FNBP4: variants seen among roughly 807,000 people sequenced by gnomAD.
FNBP4 encodes the protein formin-binding protein 4.
In FNBP4, 34 loss-of-function variants were observed where a neutral mutation model predicts 119.3. The ratio of observed to expected loss-of-function variants is 0.28; its 90% confidence interval spans 0.22 to 0.38. The LOEUF (loss-of-function observed/expected upper bound fraction) is 0.38, where lower values mean the gene tolerates loss of function less well. Among genes scored for constraint, FNBP4 ranks in the 10% least tolerant of loss-of-function variants. The pLI is 1.00. For synonymous variants in FNBP4, 462 were observed against 430.6 expected (o/e 1.07, Z -0.90); for missense variants, 1,112 against 1,228.9 (o/e 0.90, Z 1.42).
chr11:47,735,689 T>C (rs1023737559), intron 9 of FNBP4, among the ~76,000 whole-genome samples: 1 of 152,208 alleles, frequency 6.6e-6, no homozygotes, highest in African/African-American at 2.4e-5. Context: ...GACTTAAATA[T>C]GATCTTTTCA....
intron 8 of FNBP4, among the ~76,000 whole-genome samples, chr11:47,739,044 G>A (rs2097578165): frequency 6.6e-6 from 1 of 151,000 alleles, no homozygotes; most frequent in Non-Finnish European, 1.5e-5. Context: ...TTGCCCAGGT[G>A]GGAGTATAGT....
At chr11:47,752,868 C>A in intron 4 of FNBP4, 48 bp downstream of exon 4, 1 of 1,477,890 alleles carries the variant, frequency 6.8e-7, no homozygotes, top group Non-Finnish European at 9.3e-7. Context: ...TGCCTAGAAT[C>A]CCTTTAAGGA....
At chr11:47,731,784 C>A (rs1011222937) in intron 11 of FNBP4, 1 of 1,263,314 alleles carries the variant, frequency 7.9e-7, no homozygotes, top group Admixed American at 4.0e-5. Context: ...CAGCCCTGAA[C>A]CCTCTCACTC....
intron 2 of FNBP4, among the ~76,000 whole-genome samples, chr11:47,757,917 C>T (rs2097623309): frequency 6.6e-6 from 1 of 152,308 alleles, no homozygotes; most frequent in African/African-American, 2.4e-5. Flanking sequence ...TCAAATGATT[C>T]TCTTGCCTCA....
chr11:47,748,755 T>G (rs565794302), intron 6 of FNBP4, among the ~76,000 whole-genome samples: 4 of 152,080 alleles, frequency 2.6e-5, no homozygotes, highest in African/African-American at 9.6e-5. Context: ...ATTCAAGCGA[T>G]TCTCCTGCCT....
At chr11:47,764,857 G>A (rs1350579009) in intron 2 of FNBP4, among the ~76,000 whole-genome samples, 1 of 152,108 alleles carries the variant, frequency 6.6e-6, no homozygotes, top group Non-Finnish European at 1.5e-5. Context: ...CAAAACCACT[G>A]TTGCAACTAT....
In FNBP4 at chr11:47,716,563, A is replaced by G. The variant is rs2097550043; in HGVS notation, c.*859T>C. ...TATTAGTGCATATATACAAATTTAC[A>G]AGGTCAGAAACTGGAGAAATACAAA... On this transcript the variant is annotated 3_prime_UTR_variant, in exon 17 of 17. Transcript: ENST00000263773. 6.6e-6 allele frequency: 1 copy of G among 152,656 alleles called. No homozygotes were observed. The highest frequency in any genetic ancestry group is 2.4e-5 in the African/African-American group (1 of 41,460). 9.5% of individuals were successfully genotyped at this position (152,656 alleles called of 1,614,324 possible).
intron 2 of FNBP4, among the ~76,000 whole-genome samples, chr11:47,757,918 T>G (rs11820480): frequency 0.21 from 31,511 of 152,076 alleles, 3,770 homozygotes; most frequent in East Asian, 0.31. Flanking sequence ...CAAATGATTC[T>G]CTTGCCTCAG....
chr11:47,742,345 A>G (rs879451084), intron 8 of FNBP4, among the ~76,000 whole-genome samples: 2 of 150,616 alleles, frequency 1.3e-5, no homozygotes, highest in Non-Finnish European at 3.0e-5. Context: ...TGGGCATGGT[A>G]GCAGGCGCCT....
At chr11:47,759,149 A>AC (rs2135269443) in intron 2 of FNBP4, among the ~76,000 whole-genome samples, 1 of 151,352 alleles carries the variant, frequency 6.6e-6, no homozygotes, top group Non-Finnish European at 1.5e-5. Flanking sequence ...CGAACTCCTG[A>AC]CCTCAAGTGA....
At position 47,732,661 on chromosome 11, in the gene FNBP4, C is replaced by T; in HGVS notation, c.1696G>A (p.Ala566Thr). Residue 566 changes from alanine to threonine, a missense_variant, in exon 11 of 17, where the codon GCA (alanine) becomes ACA (threonine). By Grantham distance (58) the Ala-to-Thr change is moderately conservative. Around this residue, in one of 2 missense-constraint regions of FNBP4, gnomAD observed 826 missense variants for 988.8 expected, o/e 0.84. Coordinates refer to ENST00000263773, the MANE Select transcript of FNBP4 (RefSeq NM_015308.5). This position sits in a 1 kb window ranked among gnomAD's most constrained non-coding sequence, Gnocchi z 4.2. ...TTAAGAGCCCCTTCCCGCCAGTCTG[C>T]AATTCGAGTCTAGAATAAACAGACA... ...VLLLQTETRI[A>T]DWREGALNGN... 1 of 1,614,136 alleles carries T rather than the reference C, an allele frequency of 6.2e-7. No individual in the cohort carries two copies. The highest frequency in any genetic ancestry group is 8.5e-7 in the Non-Finnish European group (1 of 1,180,012).
intron 1 of FNBP4, among the ~76,000 whole-genome samples, chr11:47,765,655 A>AT (rs10657341): frequency 1.1e-4 from 17 of 149,182 alleles, no homozygotes; most frequent in Non-Finnish European, 2.1e-4. Flanking sequence ...AAATACAAAA[A>AT]ATAAAAAAAT....
At chr11:47,749,304 G>A (rs2097597116) in intron 6 of FNBP4, among the ~76,000 whole-genome samples, 1 of 63,232 alleles carries the variant, frequency 1.6e-5, no homozygotes, top group African/African-American at 5.3e-5. Flanking sequence ...AGGTGCGGTG[G>A]CTTGTGCCTG....
In FNBP4 at chr11:47,724,072, A is replaced by C; in HGVS notation, c.2420T>G (p.Ile807Ser). The change falls in exon 14 of 17, where the codon ATT becomes AGT. Residue 807 changes from isoleucine to serine, a missense_variant. Physicochemically the swap from Ile to Ser is moderately radical, Grantham distance 142. Transcript: ENST00000263773. ...STAVVQRSAT[I>S]GSSPVLYSQS... ...GCTATAGAGAACTGGAGAACTGCCA[A>C]TGGTAGCTGACCTCTGAACCACTGC... is the stretch of plus-strand genomic sequence containing the variant. 1.2e-6 allele frequency: 2 copies of C among 1,614,206 alleles called. No homozygotes were observed. The highest frequency in any genetic ancestry group is 1.7e-6 in the Non-Finnish European group (2 of 1,180,028).
rs551044549 is a variant in FNBP4 at position 47,736,834 on chromosome 11, T to C, written c.1457-94A>G. The stretch of plus-strand genomic sequence containing the variant: ...CATAGCAGATATCTGCAAAAGATTA[T>C]TAGTTCTTTCTCTCTTGCCTGTTTT... On this transcript the variant is annotated intron_variant, in intron 8 of 16. Transcript: ENST00000263773. 3.5e-6 allele frequency: 4 copies of C among 1,135,570 alleles called. No homozygotes were observed. In the East Asian group the frequency reaches 7.4e-5, roughly 21 times the overall value. 70.3% of individuals were successfully genotyped at this position (1,135,570 alleles called of 1,614,324 possible).
chr11:47,752,250 C>T (rs747477609), intron 4 of FNBP4, among the ~76,000 whole-genome samples: 1 of 150,812 alleles, frequency 6.6e-6, no homozygotes, highest in Non-Finnish European at 1.5e-5. Flanking sequence ...ATCGTGAAAC[C>T]CCATCTCTAC....
At chr11:47,759,485 A>G (rs1277875302) in intron 2 of FNBP4, among the ~76,000 whole-genome samples, 1 of 151,930 alleles carries the variant, frequency 6.6e-6, no homozygotes, top group Non-Finnish European at 1.5e-5. Context: ...AAGTGCTGAG[A>G]TTACAGGCGT....
chr11:47,749,969 G>A (rs2097598664), intron 6 of FNBP4, among the ~76,000 whole-genome samples: 1 of 152,000 alleles, frequency 6.6e-6, no homozygotes, highest in Admixed American at 6.6e-5. Context: ...CTTATATATG[G>A]AATCCGAAAA....
chr11:47,733,387 A>G (rs370975028), intron 10 of FNBP4, among the ~76,000 whole-genome samples: 31 of 151,682 alleles, frequency 2.0e-4, no homozygotes, highest in African/African-American at 7.0e-4. Flanking sequence ...TGCCCAGGCT[A>G]GAGTACAGTG....
Sources: allele counts gnomAD v4.1 joint callset (sites outside exome capture counted in the v4.1 genomes callset), GRCh38; gene constraint gnomAD v4.1.1; regional missense constraint gnomAD v4.1.1; non-coding constraint Gnocchi (gnomAD v3.1); transcripts MANE v1.5; gene names NCBI Gene and HGNC (gene_info 2026-07-23, HGNC 2026-07-21).